Variants in TTC6 observed in about 807,000 individuals in gnomAD.
The protein encoded by TTC6 is tetratricopeptide repeat domain 6, also known as tetratricopeptide repeat protein 6.
A neutral mutation model predicts 210.4 loss-of-function variants in TTC6; 172 were observed. The observed-to-expected ratio is 0.82, with a 90% confidence interval of 0.72 to 0.93. The LOEUF is 0.93. Among genes scored for constraint, TTC6 ranks in the 40% least tolerant of loss-of-function variants. The probability of loss-of-function intolerance (pLI) is 0.00; values close to 1 mark genes in which losing one functional copy is unlikely to be tolerated. For missense variants in TTC6, 2,414 were observed against 2,318.1 expected, an observed-to-expected ratio of 1.04 and a Z score of -0.85; for synonymous variants, 804 against 819.6, an observed-to-expected ratio of 0.98 and a Z score of 0.32.
chr14:37,737,712 G>T, exon 9 of TTC6: 1 of 1,522,316 alleles, frequency 6.6e-7, no homozygotes, highest in South Asian at 1.2e-5. Context: ...AAATGGTTTA[G>T]TGCACAACCT....
intron 13 of TTC6, among the ~76,000 whole-genome samples, chr14:37,751,977 C>T (rs988176135): frequency 6.6e-6 from 1 of 151,984 alleles, no homozygotes; most frequent in Non-Finnish European, 1.5e-5. Context: ...GTGCCCGCCA[C>T]TATGCCCGGT....
chr14:37,730,620 T>C (rs2095883496), intron 7 of TTC6, among the ~76,000 whole-genome samples: 1 of 152,232 alleles, frequency 6.6e-6, no homozygotes, highest in Non-Finnish European at 1.5e-5. Context: ...GTTTTCCTTA[T>C]TATATTTTTG....
chr14:37,641,612 A>G (rs1451249302), intron 1 of TTC6, among the ~76,000 whole-genome samples: 1 of 152,186 alleles, frequency 6.6e-6, no homozygotes, highest in East Asian at 1.9e-4. Flanking sequence ...TGTATTTATT[A>G]TCTTTGTGAG....
chr14:37,842,331 T>A (rs1308229490), exon 31 of TTC6: 34 of 1,463,174 alleles, frequency 2.3e-5, no homozygotes, highest in Non-Finnish European at 2.8e-5. Context: ...TACACAGCTG[T>A]TCTCTCTGAA....
chr14:37,720,557 C>T (rs1232666255), intron 6 of TTC6: 3 of 117,984 alleles, frequency 2.5e-5, no homozygotes, highest in Non-Finnish European at 3.4e-5. Context: ...GCAGGTTGCA[C>T]AGTGAAAAAA....
At chr14:37,806,537 T>C in intron 22 of TTC6, 27 bp downstream of exon 24, 4 of 1,483,554 alleles carry the variant, frequency 2.7e-6, no homozygotes, top group Non-Finnish European at 3.6e-6. Flanking sequence ...TTTTAGTGAG[T>C]TGGAAAGTGT....
At chr14:37,731,239 A>G (rs1442307552) in intron 7 of TTC6, among the ~76,000 whole-genome samples, 1 of 152,178 alleles carries the variant, frequency 6.6e-6, no homozygotes, top group Non-Finnish European at 1.5e-5. Context: ...ATTCATTGCT[A>G]CTGAAGTCAT....
intron 2 of TTC6, among the ~76,000 whole-genome samples, chr14:37,612,843 C>T (rs1178393507): frequency 6.6e-6 from 1 of 152,156 alleles, no homozygotes; most frequent in African/African-American, 2.4e-5. Context: ...GTGTATTGTG[C>T]AACCTTGATA....
At chr14:37,719,829 A>C (rs1426736590) in intron 6 of TTC6, among the ~76,000 whole-genome samples, 1 of 152,122 alleles carries the variant, frequency 6.6e-6, no homozygotes, top group African/African-American at 2.4e-5. Flanking sequence ...ACTATTTGTA[A>C]AAGGAAAAAT....
intron 20 of TTC6, among the ~76,000 whole-genome samples, chr14:37,803,835 A>C (rs2096112428): frequency 6.6e-6 from 1 of 152,230 alleles, no homozygotes; most frequent in African/African-American, 2.4e-5. Context: ...TGAGGACAGA[A>C]GGAGGGATGT....
At chr14:37,788,706 T>C (rs1046581319) in intron 15 of TTC6, among the ~76,000 whole-genome samples, 3 of 152,174 alleles carry the variant, frequency 2.0e-5, no homozygotes, top group Admixed American at 2.0e-4. Flanking sequence ...GCTTTGCTTT[T>C]TCCCAGGTCT....
intron 1 of TTC6, among the ~76,000 whole-genome samples, chr14:37,679,773 C>T (rs1041175629): frequency 3.3e-5 from 5 of 152,200 alleles, no homozygotes; most frequent in Non-Finnish European, 7.4e-5. Context: ...TCACTGCAAC[C>T]TCTTCCTCCT....
intron 14 of TTC6, among the ~76,000 whole-genome samples, chr14:37,758,816 G>A (rs149251469): frequency 0.13 from 19,713 of 152,094 alleles, 1,658 homozygotes; most frequent in Non-Finnish European, 0.2. Flanking sequence ...TTTTGCAGTG[G>A]CTGGTACCGG....
chr14:37,623,313 C>A (rs905964940), intron 1 of TTC6, among the ~76,000 whole-genome samples: 1 of 152,180 alleles, frequency 6.6e-6, no homozygotes, highest in Admixed American at 6.5e-5. Context: ...TCAAAGGTTT[C>A]GTGATTATTT....
chr14:37,727,721 CTTTA>C (rs144811862), intron 7 of TTC6, among the ~76,000 whole-genome samples: 12,858 of 151,238 alleles, frequency 0.085, 615 homozygotes, highest in Non-Finnish European at 0.1. Flanking sequence ...TTTGCAGTGT[CTTTA>C]TTTATTTTCA....
At chr14:37,740,080 C>T (rs148630271) in intron 10 of TTC6, among the ~76,000 whole-genome samples, 3,305 of 149,788 alleles carry the variant, frequency 0.022, 155 homozygotes, top group African/African-American at 0.077. Flanking sequence ...AGGAGAATGG[C>T]GTGAACCCAG....
intron 1 of TTC6, among the ~76,000 whole-genome samples, chr14:37,658,916 C>T (rs2095730844): frequency 6.6e-6 from 1 of 152,084 alleles, no homozygotes; most frequent in African/African-American, 2.4e-5. Flanking sequence ...CTGCTCCTCT[C>T]CCTCCTCCCA....
intron 14 of TTC6, among the ~76,000 whole-genome samples, chr14:37,775,852 A>G (rs920515434): frequency 6.6e-6 from 1 of 151,678 alleles, no homozygotes; most frequent in African/African-American, 2.4e-5. Flanking sequence ...GTTGGATCGA[A>G]CCCTTTACCA....
intron 25 of TTC6, 44 bp downstream of exon 27, chr14:37,812,477 CT>C (rs1216644302): frequency 2.7e-6 from 4 of 1,504,046 alleles, no homozygotes; most frequent in Non-Finnish European, 2.7e-6. Context: ...TGCACATTGA[CT>C]TCTGAGAACT....
Sources: gnomAD v4.1 joint callset for allele counts (sites outside exome capture counted in the v4.1 genomes callset) on GRCh38, gnomAD v4.1.1 for gene constraint, MANE v1.5 for transcripts, NCBI Gene and HGNC (gene_info 2026-07-23, HGNC 2026-07-21) for gene names.